MROH7: variants seen among roughly 807,000 people sequenced by gnomAD.
MROH7 encodes the protein maestro heat like repeat family member 7.
A neutral mutation model predicts 129.2 loss-of-function variants in MROH7; 113 were observed. That is an observed-to-expected ratio of 0.87 (90% CI 0.75 to 1.02). MROH7 has a LOEUF of 1.02. MROH7 is among the 50% of genes least tolerant of loss of function. The pLI, the probability that MROH7 is intolerant of heterozygous loss-of-function variation, is 0.00. For synonymous variants in MROH7, 655 were observed against 667.9 expected (o/e 0.98, Z 0.30); for missense variants, 1,601 against 1,671.3 (o/e 0.96, Z 0.73).
intron 1 of MROH7, among the ~76,000 whole-genome samples, chr1:54,643,286 G>A (rs1466933328): frequency 6.6e-6 from 1 of 152,188 alleles, no homozygotes; most frequent in Non-Finnish European, 1.5e-5. Context: ...GCCAGAGGGA[G>A]CAATTGAAGT....
chr1:54,671,572 A>G (rs1028844818), intron 7 of MROH7, among the ~76,000 whole-genome samples: 28 of 152,124 alleles, frequency 1.8e-4, no homozygotes, highest in Non-Finnish European at 3.7e-4. Flanking sequence ...AGGCCTGGAG[A>G]AGCAGAACCT....
intron 1 of MROH7, among the ~76,000 whole-genome samples, chr1:54,645,659 T>C (rs199835909): frequency 1.2e-4 from 14 of 118,782 alleles, no homozygotes; most frequent in East Asian, 3.4e-4. Flanking sequence ...TTCTTTCTTT[T>C]TTTTTTTTTT....
intron 3 of MROH7, among the ~76,000 whole-genome samples, chr1:54,654,368 A>T (rs1470306708): frequency 6.6e-6 from 1 of 152,254 alleles, no homozygotes; most frequent in African/African-American, 2.4e-5. Context: ...CTTCAACTTC[A>T]TTGACTGTAA....
At chr1:54,652,244 C>G (rs572242819) in intron 2 of MROH7, among the ~76,000 whole-genome samples, 2 of 152,284 alleles carry the variant, frequency 1.3e-5, no homozygotes, top group South Asian at 4.1e-4. Context: ...AGGAGTTTGT[C>G]TCTGGTTTGG....
chr1:54,662,981 A>G (rs952608008), intron 3 of MROH7, among the ~76,000 whole-genome samples: 2 of 152,256 alleles, frequency 1.3e-5, no homozygotes, highest in Admixed American at 1.3e-4. Flanking sequence ...CACAGAAGTG[A>G]CGCTGGGTTT....
chr1:54,696,892 G>A (rs560340217), intron 17 of MROH7, among the ~76,000 whole-genome samples: 180 of 151,838 alleles, frequency 1.2e-3, no homozygotes, highest in African/African-American at 4.2e-3. Context: ...GGCTGGTCTC[G>A]AACTCCTGAC....
At chr1:54,673,345 C>T (rs1181592913) in intron 8 of MROH7, among the ~76,000 whole-genome samples, 159 bp downstream of exon 8, 2 of 151,644 alleles carry the variant, frequency 1.3e-5, no homozygotes, top group Non-Finnish European at 2.9e-5. Context: ...CAGGCCCTGT[C>T]CCAGACTCCT....
At position 54,665,347 on chromosome 1, in the gene MROH7, G is replaced by C. The variant is rs894256593; in HGVS notation, c.1305+107G>C. 16 of 742,670 alleles carry C rather than the reference G, an allele frequency of 2.2e-5. No homozygotes were observed. The African/African-American group carries it at 2.8e-4, about 13-fold the overall frequency. 46.0% of individuals were successfully genotyped at this position (742,670 alleles called of 1,614,324 possible). A position where few individuals can be genotyped will look rare whatever the true frequency, so the allele number is the denominator to read the frequency against. ...TCCGCATTCCCCATGCCTCTGCCCA[G>C]CTCTCCTTTTCTCCATAACATTCAT... On this transcript the variant is annotated intron_variant, in intron 4 of 23. Transcript: ENST00000421030.
intron 15 of MROH7, among the ~76,000 whole-genome samples, chr1:54,689,803 G>C (rs1057205147): frequency 6.6e-6 from 1 of 152,114 alleles, no homozygotes. Flanking sequence ...TGAGGCCAGG[G>C]GTTTGAGACC....
chr1:54,670,461 C>A, intron 5 of MROH7, 36 bp from the exon 6 acceptor site: 4 of 1,598,848 alleles, frequency 2.5e-6, no homozygotes, highest in Non-Finnish European at 2.6e-6. Context: ...TGCAGTAGCC[C>A]TGTCCTCATC....
intron 10 of MROH7, among the ~76,000 whole-genome samples, chr1:54,674,423 C>A (rs568341528): frequency 6.6e-6 from 1 of 152,260 alleles, no homozygotes; most frequent in South Asian, 2.1e-4. Context: ...TTTTCATAGT[C>A]CCTTAATACT....
intron 11 of MROH7, among the ~76,000 whole-genome samples, 156 bp from the exon 12 acceptor site, chr1:54,679,107 G>C (rs1375204981): frequency 6.6e-6 from 1 of 152,188 alleles, no homozygotes; most frequent in Non-Finnish European, 1.5e-5. Flanking sequence ...CTCCCCTAAA[G>C]GTTCAACACT....
At chr1:54,650,912 A>G (rs1284901992) in intron 1 of MROH7, among the ~76,000 whole-genome samples, 2 of 152,044 alleles carry the variant, frequency 1.3e-5, no homozygotes, top group Admixed American at 1.3e-4. Flanking sequence ...TTTTGTAGGG[A>G]CAGAGTCTCA....
At chr1:54,696,127 T>A (rs920488306) in intron 17 of MROH7, among the ~76,000 whole-genome samples, 2 of 152,186 alleles carry the variant, frequency 1.3e-5, no homozygotes, top group African/African-American at 4.8e-5. Context: ...TTGATTCATT[T>A]GGTCTCATAC....
At chr1:54,647,874 T>TAG (rs1644491119) in intron 1 of MROH7, among the ~76,000 whole-genome samples, 1 of 136,560 alleles carries the variant, frequency 7.3e-6, no homozygotes, top group African/African-American at 2.8e-5. Context: ...CATTGCACTC[T>TAG]AGCCTGTGTG....
chr1:54,679,851 G>A (rs1645041110), intron 12 of MROH7, 40 bp from the exon 13 acceptor site: 1 of 1,584,078 alleles, frequency 6.3e-7, no homozygotes, highest in South Asian at 1.1e-5. Flanking sequence ...TGCTTCCCTT[G>A]GCAGTCCCCT....
chr1:54,676,473 G>A lies in MROH7; in HGVS notation c.1937-2269G>A, dbSNP rs144901910. ...TGCCCAGGCTGGATTGCAGTGGCAC[G>A]ATCTTGGCTCATTGCAACCTCCGCC... On this transcript the variant is annotated intron_variant, in intron 10 of 23. Transcript: ENST00000421030. 2.0e-3 allele frequency among the ~76,000 whole-genome samples: 305 copies of A among 152,080 alleles called. 2 individuals are homozygous for A. The highest frequency in any genetic ancestry group is 7.1e-3 in the African/African-American group (296 of 41,474).
rs752723699 is a variant in MROH7, at chr1:54,702,250, G to A, written c.3441+5G>A. The A allele has an allele frequency of 1.7e-5, 26 of 1,515,082 alleles. No individual in the cohort carries two copies. Among genetic ancestry groups the A allele is most frequent in the Non-Finnish European group, 2.0e-5 (23 of 1,126,922 alleles). The allele number at this position is 1,515,082 out of a possible 1,614,324, so 93.9% of individuals were successfully genotyped here. A position where few individuals can be genotyped will look rare whatever the true frequency, so the allele number is the denominator to read the frequency against. On this transcript the variant is annotated splice_donor_5th_base_variant and intron_variant, in intron 20 of 23. Coordinates refer to ENST00000421030, the MANE Select transcript of MROH7 (RefSeq NM_001039464.4). Reference sequence around the variant, plus strand: ...GGCAACTCCAAGGTAAGCCAGGTGAGTGTGCGTGGGCCCTGCACCCTCTAC... The same window carrying A: ...GGCAACTCCAAGGTAAGCCAGGTGAATGTGCGTGGGCCCTGCACCCTCTAC...
In MROH7 at chr1:54,674,001, T is replaced by C. The variant is rs777495608; in HGVS notation, c.1801-15T>C. On this transcript the variant is annotated splice_polypyrimidine_tract_variant and intron_variant, in intron 9 of 23. Transcript: ENST00000421030. ...AACCTATAACACTCAATCCCTAAGATTGCAATACAAACAGATGCCCTTGGG... is the reference window on the plus strand; with the variant it reads ...AACCTATAACACTCAATCCCTAAGACTGCAATACAAACAGATGCCCTTGGG... 1.2e-6 allele frequency: 2 copies of C among 1,613,342 alleles called. No homozygotes were observed. The highest frequency in any genetic ancestry group is 1.7e-6 in the Non-Finnish European group (2 of 1,179,646).
Sources: gnomAD v4.1 joint callset for allele counts (sites outside exome capture counted in the v4.1 genomes callset) on GRCh38, gnomAD v4.1.1 for gene constraint, MANE v1.5 for transcripts, NCBI Gene and HGNC (gene_info 2026-07-23, HGNC 2026-07-21) for gene names.